CYTH1: variants seen among roughly 807,000 people sequenced by gnomAD.
CYTH1 encodes the protein cytohesin 1, also known as cytohesin-1.
In CYTH1, 18 loss-of-function variants were observed where a neutral mutation model predicts 61.8. The observed-to-expected ratio is 0.29, with a 90% CI of 0.20 to 0.43. The LOEUF (loss-of-function observed/expected upper bound fraction) is 0.43. Among genes scored for constraint, CYTH1 ranks in the 20% least tolerant of loss-of-function variants. CYTH1 has a pLI of 1.00. For synonymous variants in CYTH1, 174 were observed against 184.3 expected, an observed-to-expected ratio of 0.94 and a Z score of 0.45; for missense variants, 336 against 510.5, an observed-to-expected ratio of 0.66 and a Z score of 3.29.
At chr17:78,686,337 G>C (rs1490318609) in intron 11 of CYTH1, among the ~76,000 whole-genome samples, 1 of 152,224 alleles carries the variant, frequency 6.6e-6, no homozygotes, top group African/African-American at 2.4e-5. Context: ...TGGTTGCACT[G>C]TAAGTATATG....
rs148310768 is a variant in CYTH1 at position 78,721,216 on chromosome 17, G to C, written c.23-11484C>G. On this transcript the variant is annotated intron_variant, in intron 1 of 13. Transcript: ENST00000446868. Reference sequence around the variant, plus strand: ...GTGGTGGCATGCAGCTGTAGTCCCAGCTACTTGGGAGGCTGGGGCAAGAAA... The same window carrying C: ...GTGGTGGCATGCAGCTGTAGTCCCACCTACTTGGGAGGCTGGGGCAAGAAA... 8.7e-3 allele frequency among the ~76,000 whole-genome samples: 1,326 copies of C among 152,252 alleles called. 22 individuals carry two copies. The highest frequency in any genetic ancestry group is 0.03 in the African/African-American group (1,232 of 41,534).
In CYTH1 at chr17:78,774,063, T is replaced by A. The variant is rs572814647; in HGVS notation, c.22+8139A>T. 4.4e-4 allele frequency among the ~76,000 whole-genome samples: 67 copies of A among 151,904 alleles called. No homozygotes were observed. The South Asian group carries it at 0.011, about 24-fold the overall frequency. Reference sequence around the variant, plus strand: ...ATTCAGTTTGTTTGCTTGTTTGTTTTAAAAAAAAACTTTTAAAATGTTGAT... The same window carrying A: ...ATTCAGTTTGTTTGCTTGTTTGTTTAAAAAAAAAACTTTTAAAATGTTGAT... On this transcript the variant is annotated intron_variant, in intron 1 of 13. Coordinates refer to ENST00000446868, the MANE Select transcript of CYTH1 (RefSeq NM_004762.6).
intron 11 of CYTH1, among the ~76,000 whole-genome samples, chr17:78,683,583 G>A (rs1235773354): frequency 6.6e-6 from 1 of 152,194 alleles, no homozygotes; most frequent in Admixed American, 6.5e-5. Flanking sequence ...CTGGGGGTGG[G>A]AGAAGTCCTC....
chr17:78,741,659 A>C (rs2093342449), intron 1 of CYTH1, among the ~76,000 whole-genome samples: 1 of 152,204 alleles, frequency 6.6e-6, no homozygotes, highest in Non-Finnish European at 1.5e-5. Flanking sequence ...TACTGCTGCT[A>C]AAAGTGGCAA....
chr17:78,760,384 T>TATATATATATATATATATACACAC (rs751494741), intron 1 of CYTH1, among the ~76,000 whole-genome samples: 1 of 51,406 alleles, frequency 1.9e-5, no homozygotes, highest in Non-Finnish European at 3.6e-5. Flanking sequence ...TATATATATA[T>TATATATATATATATATATACACAC]ACACACACAT....
intron 11 of CYTH1, among the ~76,000 whole-genome samples, chr17:78,688,310 A>ACATATCCTC (rs2092837916): frequency 6.6e-6 from 1 of 152,220 alleles, no homozygotes; most frequent in South Asian, 2.1e-4. Context: ...AGCACACATA[A>ACATATCCTC]CATATCCTCA....
intron 1 of CYTH1, among the ~76,000 whole-genome samples, chr17:78,766,156 C>T (rs551933121): frequency 5.3e-5 from 8 of 150,742 alleles, no homozygotes; most frequent in African/African-American, 1.2e-4. Context: ...GTCAGGACTT[C>T]GGGCAGGAAG....
In CYTH1 at chr17:78,751,315, A is replaced by G. The variant is rs527763321; in HGVS notation, c.22+30887T>C. On this transcript the variant is annotated intron_variant, in intron 1 of 13. Transcript: ENST00000446868. ...CATTAACATTGAACTCATGGCCAAC[A>G]GCACTGTAACTCATTCCTGAGCAAA... 5.9e-5 allele frequency among the ~76,000 whole-genome samples: 9 copies of G among 152,264 alleles called. No homozygotes were observed. In the East Asian group the frequency reaches 7.7e-4, roughly 13 times the overall value.
At chr17:78,699,752 A>G (rs2092988561) in intron 7 of CYTH1, among the ~76,000 whole-genome samples, 1 of 152,154 alleles carries the variant, frequency 6.6e-6, no homozygotes, top group South Asian at 2.1e-4. Context: ...TCATTCTCCT[A>G]TGTCAATAAA....
intron 1 of CYTH1, among the ~76,000 whole-genome samples, chr17:78,738,270 C>T (rs1000893773): frequency 1.5e-4 from 23 of 152,198 alleles, no homozygotes; most frequent in African/African-American, 5.5e-4. Context: ...TGAGTGTCCT[C>T]GCCATCCCCA....
At chr17:78,736,195 T>C (rs1768755019) in intron 1 of CYTH1, among the ~76,000 whole-genome samples, 1 of 152,214 alleles carries the variant, frequency 6.6e-6, no homozygotes, top group South Asian at 2.1e-4. Flanking sequence ...TGTCTTTACT[T>C]TTTAGTATCA....
chr17:78,712,315 T>A (rs2093142913), intron 1 of CYTH1, among the ~76,000 whole-genome samples: 1 of 152,202 alleles, frequency 6.6e-6, no homozygotes, highest in Non-Finnish European at 1.5e-5. Context: ...TCACCATGTC[T>A]GTTATTTCAC....
intron 1 of CYTH1, among the ~76,000 whole-genome samples, chr17:78,742,652 A>C (rs2093345821): frequency 6.6e-6 from 1 of 152,090 alleles, no homozygotes; most frequent in South Asian, 2.1e-4. Context: ...CAGGAGTTTG[A>C]GGCCAGCCTA....
intron 11 of CYTH1, among the ~76,000 whole-genome samples, chr17:78,683,231 T>C (rs1054804296): frequency 1.1e-4 from 16 of 152,190 alleles, no homozygotes. Context: ...TCTTCACAGC[T>C]GGTGGTGGAC....
At chr17:78,686,196 T>A (rs1198143934) in intron 11 of CYTH1, among the ~76,000 whole-genome samples, 1 of 152,242 alleles carries the variant, frequency 6.6e-6, no homozygotes, top group Non-Finnish European at 1.5e-5. Context: ...ATAATCTCTG[T>A]GATTGGCTCA....
chr17:78,698,918 G>A lies in CYTH1; in HGVS notation c.601C>T (p.His201Tyr). 1 of 1,612,236 alleles carries A rather than the reference G, an allele frequency of 6.2e-7. No individual in the cohort carries two copies. Among genetic ancestry groups the A allele is most frequent in the Non-Finnish European group, 8.5e-7 (1 of 1,179,320 alleles). ...FAIIMLNTSL[H>Y]NPNVKDKPTV... ...GGCTTATCTTTGACATTGGGGTTGTGCAGACTGGTGTTCAACATGATGATG... is the reference window on the plus strand; with the variant it reads ...GGCTTATCTTTGACATTGGGGTTGTACAGACTGGTGTTCAACATGATGATG... Residue 201 changes from histidine to tyrosine, a missense_variant, in exon 8 of 14, where the codon CAC becomes TAC. Around this residue, in one of 4 missense-constraint regions of CYTH1, gnomAD observed 125 missense variants for 209.9 expected, o/e 0.60. Coordinates refer to ENST00000446868, the MANE Select transcript of CYTH1 (RefSeq NM_004762.6).
chr17:78,692,319 G>T (rs2092896129), intron 11 of CYTH1, 98 bp downstream of exon 11: 1 of 1,252,254 alleles, frequency 8.0e-7, no homozygotes, highest in Non-Finnish European at 1.2e-6. Flanking sequence ...ATACTGAAGG[G>T]CAAATCCAAC....
intron 3 of CYTH1, among the ~76,000 whole-genome samples, chr17:78,706,659 T>A (rs557520067): frequency 6.6e-6 from 1 of 152,372 alleles, no homozygotes; most frequent in East Asian, 1.9e-4. Context: ...GAATTGCTGA[T>A]GAAACTGCCA....
intron 10 of CYTH1, among the ~76,000 whole-genome samples, chr17:78,693,162 G>A (rs949574526): frequency 3.3e-4 from 50 of 152,170 alleles, no homozygotes; most frequent in Admixed American, 1.9e-3. Flanking sequence ...GAATCAACTC[G>A]TACTGAGAGG....
Sources: gnomAD v4.1 joint callset for allele counts (sites outside exome capture counted in the v4.1 genomes callset) on GRCh38, gnomAD v4.1.1 for gene constraint, gnomAD v4.1.1 regional missense constraint, MANE v1.5 for transcripts, NCBI Gene and HGNC (gene_info 2026-07-23, HGNC 2026-07-21) for gene names.